The following DAB1 variants were observed in gnomAD, a reference collection of about 807,000 sequenced individuals.
DAB1 encodes disabled homolog 1.
In DAB1, 15 loss-of-function variants were observed where a neutral mutation model predicts 64.6. The ratio of observed to expected loss-of-function variants is 0.23; its 90% CI spans 0.16 to 0.36. The LOEUF is 0.36. Among genes scored for constraint, DAB1 ranks in the 10% least tolerant of loss-of-function variants. The pLI is 1.00. For missense variants in DAB1, 596 were observed against 706.7 expected, an observed-to-expected ratio of 0.84 and a Z score of 1.78; for synonymous variants, 235 against 251.9, an observed-to-expected ratio of 0.93 and a Z score of 0.64.
chr1:58,239,752 C>A, intron 4 of DAB1, among the ~76,000 whole-genome samples: 1 of 152,208 alleles, frequency 6.6e-6, no homozygotes, highest in East Asian at 1.9e-4. Flanking sequence ...ATGTGGTCTC[C>A]ACACCTGAAC....
chr1:57,430,963 T>C (rs921566341), intron 7 of DAB1, among the ~76,000 whole-genome samples: 1 of 149,586 alleles, frequency 6.7e-6, no homozygotes, highest in Admixed American at 6.6e-5. Context: ...AGGAAACGCA[T>C]AATCATGTTA....
intron 4 of DAB1, among the ~76,000 whole-genome samples, chr1:57,077,345 C>T (rs975184004): frequency 6.6e-6 from 1 of 152,114 alleles, no homozygotes; most frequent in African/African-American, 2.4e-5. Flanking sequence ...GCTCCTAATA[C>T]TGCACCTTCT....
intron 5 of DAB1, among the ~76,000 whole-genome samples, chr1:57,932,468 A>ATT (rs61202343): frequency 0.14 from 19,501 of 143,388 alleles, 1,391 homozygotes; most frequent in African/African-American, 0.17. Flanking sequence ...AGCCCAGCTA[A>ATT]TTTTTTTTTT....
chr1:57,161,157 G>A (rs1485773569), intron 2 of DAB1, among the ~76,000 whole-genome samples: 2 of 152,048 alleles, frequency 1.3e-5, no homozygotes, highest in Non-Finnish European at 2.9e-5. Context: ...AATGCATTTG[G>A]GGGAGAGTCT....
intron 1 of DAB1, among the ~76,000 whole-genome samples, chr1:57,338,172 A>G (rs150517068): frequency 0.01 from 1,593 of 152,050 alleles, 30 homozygotes; most frequent in African/African-American, 0.035. Flanking sequence ...TTTAGTAGAG[A>G]TGAGGTTTTG....
intron 5 of DAB1, among the ~76,000 whole-genome samples, chr1:57,928,960 C>G (rs1644917518): frequency 6.6e-6 from 1 of 152,150 alleles, no homozygotes; most frequent in East Asian, 1.9e-4. Flanking sequence ...AGTCAAGGAG[C>G]ACAATTGCGG....
intron 7 of DAB1, among the ~76,000 whole-genome samples, chr1:57,600,466 C>T (rs1409500669): frequency 6.6e-6 from 1 of 152,174 alleles, no homozygotes; most frequent in Non-Finnish European, 1.5e-5. Flanking sequence ...ATAAAATCAA[C>T]CAGCTACCAG....
At chr1:57,598,159 T>C (rs905125297) in intron 7 of DAB1, among the ~76,000 whole-genome samples, 1 of 152,166 alleles carries the variant, frequency 6.6e-6, no homozygotes, top group Non-Finnish European at 1.5e-5. Context: ...ATTTTTTGTA[T>C]TTTTAGTAAA....
chr1:57,879,520 A>G (rs1171576364), intron 1 of DAB1, among the ~76,000 whole-genome samples: 1 of 152,196 alleles, frequency 6.6e-6, no homozygotes, highest in Non-Finnish European at 1.5e-5. Flanking sequence ...AAGGGTCCCC[A>G]AACTAAGAAG....
chr1:57,068,521 A>G (rs1194197085), intron 8 of DAB1, among the ~76,000 whole-genome samples: 1 of 152,260 alleles, frequency 6.6e-6, no homozygotes, highest in Non-Finnish European at 1.5e-5. Flanking sequence ...AATAGGCCAC[A>G]CAACTAACAA....
chr1:57,370,415 A>T (rs1411853731), intron 1 of DAB1, among the ~76,000 whole-genome samples: 1 of 152,186 alleles, frequency 6.6e-6, no homozygotes, highest in African/African-American at 2.4e-5. Flanking sequence ...AATTCTCCAG[A>T]CCACTGTTTA....
chr1:58,505,409 T>G (rs936947299), intron 3 of DAB1, among the ~76,000 whole-genome samples: 10 of 152,094 alleles, frequency 6.6e-5, no homozygotes, highest in African/African-American at 2.2e-4. Context: ...AACATCCATT[T>G]TGTCCTGATA....
At chr1:57,803,921 A>G (rs1313060273) in intron 6 of DAB1, among the ~76,000 whole-genome samples, 1 of 152,200 alleles carries the variant, frequency 6.6e-6, no homozygotes, top group Non-Finnish European at 1.5e-5. Context: ...CTTTTTTACA[A>G]CAAATGGAAC....
intron 3 of DAB1, 48 bp downstream of exon 3, chr1:57,145,242 C>T (rs757132788): frequency 1.3e-6 from 2 of 1,579,330 alleles, no homozygotes; most frequent in Admixed American, 1.7e-5. Context: ...TTCTTTTCCT[C>T]ATTCACATTA....
chr1:58,019,751 C>A lies in DAB1; in HGVS notation n.387+130760G>T, dbSNP rs533081700. 5.7e-4 allele frequency among the ~76,000 whole-genome samples: 87 copies of A among 152,258 alleles called. 2 individuals carry two copies. In the South Asian group the frequency reaches 0.017, roughly 30 times the overall value. On this transcript the variant is annotated intron_variant and non_coding_transcript_variant, in intron 5 of 20. Transcript: ENST00000485760. The stretch of plus-strand genomic sequence containing the variant: ...CTTTTGAAATATTCTAAGCAGAGAG[C>A]TCCCTCTCAGTGGGACTAAGCAAGT...
chr1:57,066,941 GGCTGGGCCAA>G (rs905607566), intron 8 of DAB1, among the ~76,000 whole-genome samples: 4 of 152,102 alleles, frequency 2.6e-5, no homozygotes, highest in African/African-American at 7.2e-5. Context: ...TGAGACCACT[GGCTGGGCCAA>G]GCTGAAGTAC....
At chr1:57,732,712 T>C (rs772894173) in intron 6 of DAB1, among the ~76,000 whole-genome samples, 3 of 152,146 alleles carry the variant, frequency 2.0e-5, no homozygotes, top group Non-Finnish European at 4.4e-5. Context: ...GGCTGACTGC[T>C]GTCCGGGACA....
chr1:57,680,427 A>G (rs1646622982), intron 6 of DAB1, among the ~76,000 whole-genome samples: 1 of 152,228 alleles, frequency 6.6e-6, no homozygotes, highest in African/African-American at 2.4e-5. Flanking sequence ...GGAGAGGTGC[A>G]TTCCTTTCTG....
intron 3 of DAB1, among the ~76,000 whole-genome samples, chr1:58,363,332 G>A (rs1306275271): frequency 1.3e-5 from 2 of 152,114 alleles, no homozygotes; most frequent in African/African-American, 4.8e-5. Flanking sequence ...ATTTTCCAAG[G>A]ACCTATAATG....
Sources: gnomAD v4.1 joint callset for allele counts (sites outside exome capture counted in the v4.1 genomes callset) on GRCh38, gnomAD v4.1.1 for gene constraint, MANE v1.5 for transcripts, NCBI Gene and HGNC (gene_info 2026-07-23, HGNC 2026-07-21) for gene names.